The following SSH2 variants were observed in gnomAD, a reference collection of about 807,000 sequenced individuals.
SSH2 encodes the protein protein phosphatase Slingshot homolog 2.
A neutral mutation model predicts 135.2 loss-of-function variants in SSH2; 37 were observed. The observed-to-expected ratio is 0.27, with a 90% CI of 0.21 to 0.36. SSH2 has a LOEUF of 0.36. Among genes scored for constraint, SSH2 ranks in the 10% least tolerant of loss-of-function variants. SSH2 has a pLI of 1.00. For missense variants in SSH2, 1,408 were observed against 1,765.3 expected (o/e 0.80, Z 3.63); for synonymous variants, 628 against 646.2 (o/e 0.97, Z 0.43).
At chr17:29,656,036 C>T (rs756043816) in intron 11 of SSH2, among the ~76,000 whole-genome samples, 1 of 152,220 alleles carries the variant, frequency 6.6e-6, no homozygotes, top group Non-Finnish European at 1.5e-5. Flanking sequence ...AGGTCGGGAA[C>T]CAGCTCTTTT....
intron 3 of SSH2, among the ~76,000 whole-genome samples, chr17:29,781,432 A>G (rs1202387911): frequency 6.6e-6 from 1 of 151,810 alleles, no homozygotes; most frequent in Non-Finnish European, 1.5e-5. Flanking sequence ...GCCACTGAGA[A>G]ACCATCTCTT....
chr17:29,716,306 G>T, intron 3 of SSH2: 1 of 436,238 alleles, frequency 2.3e-6, no homozygotes, highest in Non-Finnish European at 4.3e-6. Context: ...CTTTCTCTTT[G>T]GCTTCTTTTT....
intron 3 of SSH2, among the ~76,000 whole-genome samples, chr17:29,767,381 T>TC (rs1006343814): frequency 9.9e-5 from 15 of 150,910 alleles, no homozygotes; most frequent in African/African-American, 3.7e-4. Flanking sequence ...TTTTTCTTTT[T>TC]TTTTTTTAGA....
At chr17:29,918,815 T>C (rs1475290348) in intron 1 of SSH2, among the ~76,000 whole-genome samples, 2 of 152,118 alleles carry the variant, frequency 1.3e-5, no homozygotes, top group Non-Finnish European at 1.5e-5. Context: ...CCTGTGCCTG[T>C]AGTCCCAGCT....
At chr17:29,763,632 A>G (rs1204672262) in intron 3 of SSH2, among the ~76,000 whole-genome samples, 1 of 152,180 alleles carries the variant, frequency 6.6e-6, no homozygotes, top group Non-Finnish European at 1.5e-5. Context: ...TGGCATGGTA[A>G]TCATCTGTAT....
intron 4 of SSH2, among the ~76,000 whole-genome samples, chr17:29,702,035 A>T (rs2039005641): frequency 6.6e-6 from 1 of 151,730 alleles, no homozygotes; most frequent in African/African-American, 2.4e-5. Flanking sequence ...GCCCACCTGA[A>T]CATTTTTAAT....
At chr17:29,907,253 A>G (rs1398382186) in intron 1 of SSH2, among the ~76,000 whole-genome samples, 1 of 152,188 alleles carries the variant, frequency 6.6e-6, no homozygotes, top group Non-Finnish European at 1.5e-5. Flanking sequence ...CAGCAAAGTC[A>G]CACAGGAACA....
intron 1 of SSH2, chr17:29,864,026 TG>T (rs2065809961): frequency 6.6e-6 from 1 of 152,136 alleles, no homozygotes. Context: ...AATACTAGGC[TG>T]GGCGCGGTGG....
At chr17:29,899,020 G>A (rs1047442422) in intron 1 of SSH2, among the ~76,000 whole-genome samples, 139 of 152,236 alleles carry the variant, frequency 9.1e-4, no homozygotes, top group Non-Finnish European at 1.6e-3. Context: ...CAGAACCAAC[G>A]ACAAAAACCA....
In SSH2 at chr17:29,919,079, T is replaced by C. The variant is rs145418326; in HGVS notation, c.63+10859A>G. ...TCCTCTTTCTCAAGGCTTATGTATT[T>C]GTGACAACTACACTGTAATCTACTG... is the stretch of plus-strand genomic sequence containing the variant. On this transcript the variant is annotated intron_variant, in intron 1 of 15. Coordinates refer to ENST00000540801, the MANE Select transcript of SSH2 (RefSeq NM_001282129.2). Among the ~76,000 whole-genome samples the C allele has an allele frequency of 5.9e-5, 9 of 152,342 alleles. No individual in the cohort carries two copies. In the East Asian group the frequency reaches 1.3e-3, roughly 23 times the overall value.
At chr17:29,693,462 CCAACACACCTGGCTAATTT>C (rs2038579139) in intron 5 of SSH2, among the ~76,000 whole-genome samples, 1 of 151,376 alleles carries the variant, frequency 6.6e-6, no homozygotes, top group Admixed American at 6.6e-5. Context: ...CAGGTGTGTG[CCAACACACCTGGCTAATTT>C]TTGTATTTTT....
intron 3 of SSH2, among the ~76,000 whole-genome samples, chr17:29,785,445 T>A (rs114012066): frequency 6.6e-6 from 1 of 151,602 alleles, no homozygotes; most frequent in African/African-American, 2.4e-5. Context: ...GGTTGACCCA[T>A]ATGAGACAGC....
At chr17:29,877,823 T>C (rs2066062543) in intron 1 of SSH2, among the ~76,000 whole-genome samples, 1 of 151,864 alleles carries the variant, frequency 6.6e-6, no homozygotes, top group South Asian at 2.1e-4. Flanking sequence ...GCAGGATGGT[T>C]CACATCTGTA....
intron 3 of SSH2, among the ~76,000 whole-genome samples, chr17:29,739,044 A>T (rs898275689): frequency 6.6e-6 from 1 of 152,238 alleles, no homozygotes; most frequent in African/African-American, 2.4e-5. Flanking sequence ...TGCACCAGCC[A>T]AACAGAAGGA....
rs374708601 is a variant in SSH2, at chr17:29,708,993, A to AATATATATATAT, written c.189-5943_189-5932dup. 7.2e-3 allele frequency among the ~76,000 whole-genome samples: 475 copies of AATATATATATAT among 65,670 alleles called. 9 individuals carry two copies. The highest frequency in any genetic ancestry group is 0.013 in the Middle Eastern group (1 of 80). 43.1% of individuals were successfully genotyped at this position (65,670 alleles called of 152,430 possible). A position where few individuals can be genotyped will look rare whatever the true frequency, so the allele number is the denominator to read the frequency against. ...AGGGGAAAGTCATCCCTAGTTAAGAAATATATATATATATATATATATAGA... is the reference window on the plus strand; with the variant it reads ...AGGGGAAAGTCATCCCTAGTTAAGAAATATATATATATATATATATATATATATATATATAGA... On this transcript the variant is annotated intron_variant, in intron 3 of 15. Coordinates refer to ENST00000540801, the MANE Select transcript of SSH2 (RefSeq NM_001282129.2).
chr17:29,756,309 T>G (rs1255391081), intron 3 of SSH2, among the ~76,000 whole-genome samples: 2 of 151,590 alleles, frequency 1.3e-5, no homozygotes, highest in Admixed American at 6.6e-5. Context: ...CTCCCTCTAT[T>G]GCCCAAGCTG....
chr17:29,695,585 C>T, intron 4 of SSH2, 62 bp from the exon 5 acceptor site: 2 of 1,446,850 alleles, frequency 1.4e-6, no homozygotes, highest in Non-Finnish European at 1.9e-6. Flanking sequence ...AGAGAGGATT[C>T]CTTCTACTTT....
intron 1 of SSH2, among the ~76,000 whole-genome samples, chr17:29,876,900 G>T (rs995006305): frequency 1.1e-4 from 16 of 151,742 alleles, no homozygotes; most frequent in Non-Finnish European, 2.4e-4. Flanking sequence ...CTTTTGCACA[G>T]CAAAGAAAAC....
chr17:29,828,288 C>G (rs2042780871), intron 2 of SSH2, among the ~76,000 whole-genome samples: 1 of 152,168 alleles, frequency 6.6e-6, no homozygotes, highest in South Asian at 2.1e-4. Context: ...GAATCCTGCT[C>G]TTTTATCTTC....
Sources: allele counts gnomAD v4.1 joint callset (sites outside exome capture counted in the v4.1 genomes callset), GRCh38; gene constraint gnomAD v4.1.1; transcripts MANE v1.5; gene names NCBI Gene and HGNC (gene_info 2026-07-23, HGNC 2026-07-21).